Variants in GRIP1 observed in about 807,000 individuals in gnomAD.
GRIP1 encodes glutamate receptor interacting protein 1.
GRIP1 carries 45 observed loss-of-function variants against 129.9 expected under a neutral mutation model. That is an observed-to-expected ratio of 0.35 (90% CI 0.27 to 0.44). The LOEUF (loss-of-function observed/expected upper bound fraction) is 0.44. Among genes scored for constraint, GRIP1 ranks in the 20% least tolerant of loss-of-function variants. The probability of loss-of-function intolerance (pLI) is 1.00; values close to 1 mark genes in which losing one functional copy is unlikely to be tolerated. For synonymous variants in GRIP1, 530 were observed against 520.8 expected (o/e 1.02, Z -0.24); for missense variants, 1,196 against 1,396.8 (o/e 0.86, Z 2.29).
In GRIP1 at chr12:66,815,854, T is replaced by TTCTTTCTTTCTTTCTTTCTTTCTCTC. The variant is rs1555241802; in HGVS notation, c.59-218928_59-218927insGAGAGAAAGAAAGAAAGAAAGAAAGA. Among the ~76,000 whole-genome samples the TTCTTTCTTTCTTTCTTTCTTTCTCTC allele has an allele frequency of 7.6e-3, 882 of 116,670 alleles. 12 individuals carry two copies. Among genetic ancestry groups the TTCTTTCTTTCTTTCTTTCTTTCTCTC allele is most frequent in the East Asian group, 0.016 (52 of 3,250 alleles). 76.5% of individuals were successfully genotyped at this position (116,670 alleles called of 152,430 possible). A position where few individuals can be genotyped will look rare whatever the true frequency, so the allele number is the denominator to read the frequency against. ...TTTCTTTCTTTCTTTCTTTCTTTCT[T>TTCTTTCTTTCTTTCTTTCTTTCTCTC]TCTCTCTCTCTCTCTCTCTCTCTCT... On this transcript the variant is annotated intron_variant, in intron 1 of 1. Coordinates refer to the GRIP1 transcript ENST00000643019.
chr12:67,068,480 C>T (rs906614593), intron 1 of GRIP1, among the ~76,000 whole-genome samples: 11 of 152,084 alleles, frequency 7.2e-5, no homozygotes, highest in Non-Finnish European at 1.3e-4. Context: ...CCCCTCCTCT[C>T]CCCTTCTAGA....
intron 1 of GRIP1, among the ~76,000 whole-genome samples, chr12:66,795,783 G>A (rs2038677436): frequency 6.6e-6 from 1 of 152,018 alleles, no homozygotes; most frequent in South Asian, 2.1e-4. Context: ...GCACTTTCTG[G>A]AAATAATTTC....
At chr12:66,366,539 A>C (rs2055156654) in intron 23 of GRIP1, among the ~76,000 whole-genome samples, 1 of 152,260 alleles carries the variant, frequency 6.6e-6, no homozygotes, top group South Asian at 2.1e-4. Flanking sequence ...TGCCACCAGC[A>C]GCCACAAATA....
intron 1 of GRIP1, among the ~76,000 whole-genome samples, chr12:66,888,641 G>A (rs546528275): frequency 6.6e-6 from 1 of 152,170 alleles, no homozygotes; most frequent in Non-Finnish European, 1.5e-5. Flanking sequence ...GGAATTACAG[G>A]CATGAGCCAC....
chr12:66,939,823 A>G (rs2041554457), intron 1 of GRIP1, among the ~76,000 whole-genome samples: 1 of 152,192 alleles, frequency 6.6e-6, no homozygotes, highest in Non-Finnish European at 1.5e-5. Flanking sequence ...AAAAACTTCA[A>G]ATATACCAGT....
intron 1 of GRIP1, among the ~76,000 whole-genome samples, chr12:66,699,020 C>T (rs1430631114): frequency 6.6e-6 from 1 of 152,096 alleles, no homozygotes; most frequent in Non-Finnish European, 1.5e-5. Context: ...CTATCATCTC[C>T]TGTCTATTCT....
intron 2 of GRIP1, among the ~76,000 whole-genome samples, chr12:66,544,334 G>T (rs1394289464): frequency 6.6e-6 from 1 of 152,052 alleles, no homozygotes; most frequent in East Asian, 1.9e-4. Context: ...CCTACTCTGA[G>T]CCAGACAATA....
At chr12:66,445,557 G>T in intron 11 of GRIP1, 49 bp from the exon 12 acceptor site, 1 of 1,373,848 alleles carries the variant, frequency 7.3e-7, no homozygotes, top group Non-Finnish European at 1.0e-6. Context: ...GCAAGCACCA[G>T]GAATACCAGC....
intron 1 of GRIP1, among the ~76,000 whole-genome samples, chr12:66,760,184 A>G (rs1394544758): frequency 6.6e-6 from 1 of 152,022 alleles, no homozygotes; most frequent in Non-Finnish European, 1.5e-5. Flanking sequence ...AAGCCATTCA[A>G]CAAGTCTCTA....
intron 1 of GRIP1, among the ~76,000 whole-genome samples, chr12:66,632,186 G>A (rs925567988): frequency 6.6e-6 from 1 of 152,192 alleles, no homozygotes; most frequent in Non-Finnish European, 1.5e-5. Context: ...GGAGTATAAT[G>A]AGACTGGTGG....
chr12:66,561,650 C>T (rs182893092), intron 2 of GRIP1, among the ~76,000 whole-genome samples: 11 of 152,206 alleles, frequency 7.2e-5, no homozygotes. Flanking sequence ...CCTATTGCCT[C>T]GCCTCTGGCA....
At chr12:66,812,190 G>A (rs895168118) in intron 1 of GRIP1, among the ~76,000 whole-genome samples, 9 of 152,150 alleles carry the variant, frequency 5.9e-5, no homozygotes, top group African/African-American at 2.2e-4. Flanking sequence ...CTGGAATGGA[G>A]TGGCGCAATC....
At chr12:66,660,078 G>A (rs183118553) in intron 1 of GRIP1, among the ~76,000 whole-genome samples, 1 of 152,270 alleles carries the variant, frequency 6.6e-6, no homozygotes, top group African/African-American at 2.4e-5. Context: ...TGATTCTCAT[G>A]TTGATGCCTA....
At chr12:66,953,124 C>T (rs941499434) in intron 1 of GRIP1, among the ~76,000 whole-genome samples, 1 of 152,120 alleles carries the variant, frequency 6.6e-6, no homozygotes, top group Admixed American at 6.5e-5. Context: ...TGGAGAATGC[C>T]TTTTCATTTA....
chr12:66,555,740 G>A (rs949453834), intron 2 of GRIP1, among the ~76,000 whole-genome samples: 1 of 152,010 alleles, frequency 6.6e-6, no homozygotes, highest in Non-Finnish European at 1.5e-5. Context: ...AAAAAGAATT[G>A]AGCAGAAATG....
At chr12:66,950,916 A>G (rs1161281862) in intron 1 of GRIP1, among the ~76,000 whole-genome samples, 1 of 152,220 alleles carries the variant, frequency 6.6e-6, no homozygotes, top group Non-Finnish European at 1.5e-5. Context: ...ATGTGTTGCA[A>G]CAAAAGATCA....
At chr12:66,444,802 T>C (rs1055502917) in intron 12 of GRIP1, 73 bp from the exon 13 acceptor site, 2 of 1,503,976 alleles carry the variant, frequency 1.3e-6, no homozygotes, top group East Asian at 2.3e-5. Flanking sequence ...CAAATCTACC[T>C]TGCTTGATCC....
At chr12:66,761,265 T>C (rs567045301) in intron 1 of GRIP1, among the ~76,000 whole-genome samples, 90 of 152,196 alleles carry the variant, frequency 5.9e-4, no homozygotes, top group African/African-American at 2.1e-3. Flanking sequence ...TTTCCACGGA[T>C]TCTCCCTTGT....
intron 5 of GRIP1, among the ~76,000 whole-genome samples, chr12:66,526,168 G>C (rs2061230626): frequency 6.6e-6 from 1 of 150,774 alleles, no homozygotes; most frequent in South Asian, 2.1e-4. Context: ...CACAGAATTG[G>C]AAAAAACTAC....
Sources: allele counts gnomAD v4.1 joint callset (sites outside exome capture counted in the v4.1 genomes callset), GRCh38; gene constraint gnomAD v4.1.1; transcripts MANE v1.5; gene names NCBI Gene and HGNC (gene_info 2026-07-23, HGNC 2026-07-21).